KCNG3: variants seen among roughly 807,000 people sequenced by gnomAD.
KCNG3 encodes potassium voltage-gated channel modifier subfamily G member 3.
KCNG3 carries 15 observed loss-of-function variants against 29.0 expected under a neutral mutation model. The ratio of observed to expected loss-of-function variants is 0.52; its 90% confidence interval spans 0.35 to 0.80. KCNG3 has a LOEUF of 0.80. Ranked by LOEUF, KCNG3 falls within the 30% of genes least tolerant of loss-of-function variation. The pLI is 0.01. For missense variants in KCNG3, 512 were observed against 605.7 expected (o/e 0.85, Z 1.62); for synonymous variants, 322 against 248.9 (o/e 1.29, Z -2.76).
At chr2:42,476,016 A>G (rs1381577431) in intron 1 of KCNG3, among the ~76,000 whole-genome samples, 1 of 152,242 alleles carries the variant, frequency 6.6e-6, no homozygotes, top group Non-Finnish European at 1.5e-5. Flanking sequence ...CAGTGAGCCA[A>G]GATCGTGCCA....
At chr2:42,432,938 A>ATT in the KCNG3 span, among the ~76,000 whole-genome samples, 8 of 100,598 alleles carry the variant, frequency 8.0e-5, no homozygotes, top group African/African-American at 3.8e-4. Flanking sequence ...TTATGATAAA[A>ATT]AAAAAAAAAA....
the KCNG3 span, among the ~76,000 whole-genome samples, chr2:42,424,656 G>A: frequency 6.6e-6 from 1 of 152,106 alleles, no homozygotes; most frequent in Non-Finnish European, 1.5e-5. Context: ...CAAACCCTGT[G>A]GCTTAGAAAC....
chr2:42,456,144 T>G (rs989799156), intron 1 of KCNG3, among the ~76,000 whole-genome samples: 1 of 152,270 alleles, frequency 6.6e-6, no homozygotes, highest in South Asian at 2.1e-4. Context: ...AAATGAAATT[T>G]ATTTATAACT....
At chr2:42,479,310 G>C (rs557229272) in intron 1 of KCNG3, among the ~76,000 whole-genome samples, 2 of 152,096 alleles carry the variant, frequency 1.3e-5, no homozygotes, top group African/African-American at 2.4e-5. Flanking sequence ...GTGAATCCTG[G>C]TATTTTCCAA....
At chr2:42,470,385 T>C (rs6750418) in intron 1 of KCNG3, 2,663 of 214,318 alleles carry the variant, frequency 0.012, 71 homozygotes, top group African/African-American at 0.06. Flanking sequence ...CAGAAAGATA[T>C]TTGCAGTCAG....
intron 1 of KCNG3, among the ~76,000 whole-genome samples, chr2:42,483,754 T>C (rs1024740246): frequency 1.3e-5 from 2 of 152,156 alleles, no homozygotes; most frequent in African/African-American, 4.8e-5. Flanking sequence ...ATTTAAAGAA[T>C]GGGGGAGATT....
intron 1 of KCNG3, among the ~76,000 whole-genome samples, chr2:42,489,882 C>T (rs750585887): frequency 2.4e-4 from 36 of 152,310 alleles, no homozygotes; most frequent in Non-Finnish European, 3.1e-4. Context: ...GTCATTTCTC[C>T]TCCATTTCTC....
chr2:42,482,069 C>T (rs1673600174), intron 1 of KCNG3, among the ~76,000 whole-genome samples: 1 of 152,160 alleles, frequency 6.6e-6, no homozygotes, highest in Non-Finnish European at 1.5e-5. Context: ...AACAAACTGC[C>T]TGCCTCAGCC....
the KCNG3 span, among the ~76,000 whole-genome samples, chr2:42,397,147 A>G: frequency 2.6e-5 from 4 of 152,132 alleles, no homozygotes; most frequent in South Asian, 8.3e-4. Flanking sequence ...CAGGAGGCTG[A>G]GGCAGGAAAA....
intron 1 of KCNG3, among the ~76,000 whole-genome samples, chr2:42,474,696 G>C (rs1188740741): frequency 6.6e-6 from 1 of 151,766 alleles, no homozygotes; most frequent in African/African-American, 2.4e-5. Context: ...ATTTTGCCCT[G>C]ATATATTTTT....
chr2:42,444,568 G>A lies in KCNG3; in HGVS notation c.677C>T (p.Ala226Val). 6.2e-7 allele frequency: 1 copy of A among 1,605,746 alleles called. No individual in the cohort carries two copies. The highest frequency in any genetic ancestry group is 8.5e-7 in the Non-Finnish European group (1 of 1,175,744). The change falls in exon 2 of 2, where the codon GCT (alanine) becomes GTT (valine). Residue 226 changes from alanine to valine, a missense_variant. Coordinates refer to ENST00000306078, the MANE Select transcript of KCNG3 (RefSeq NM_133329.6). This position sits in a 1 kb window ranked among gnomAD's most constrained non-coding sequence, Gnocchi z 5.8. Reference sequence around the variant, plus strand: ...GGCAGTGAACCAACCTATGCAGATAGCTTCAATTATCCTGTCAAGAGAACA... The same window carrying A: ...GGCAGTGAACCAACCTATGCAGATAACTTCAATTATCCTGTCAAGAGAACA... ...PGREPSGIIE[A>V]ICIGWFTAEC...
At chr2:42,476,058 T>G (rs1048553011) in intron 1 of KCNG3, among the ~76,000 whole-genome samples, 3 of 152,036 alleles carry the variant, frequency 2.0e-5, no homozygotes, top group African/African-American at 7.2e-5. Flanking sequence ...AAGAGTGAAC[T>G]CCGTCTCATA....
chr2:42,439,904 A>G (rs542523642), downstream of KCNG3, among the ~76,000 whole-genome samples: 1 of 152,258 alleles, frequency 6.6e-6, no homozygotes, highest in Admixed American at 6.5e-5. Context: ...CGGCCTCCCA[A>G]AGTGCTCGGA....
At chr2:42,489,189 G>C (rs1054875227) in intron 1 of KCNG3, among the ~76,000 whole-genome samples, 8 of 151,604 alleles carry the variant, frequency 5.3e-5, no homozygotes, top group Non-Finnish European at 1.2e-4. Flanking sequence ...TTACAGGCGT[G>C]AGCCACCACG....
chr2:42,440,765 T>C (rs930064319), downstream of KCNG3, among the ~76,000 whole-genome samples: 1 of 152,158 alleles, frequency 6.6e-6, no homozygotes, highest in Non-Finnish European at 1.5e-5. Flanking sequence ...AATACAGTAA[T>C]GAAAGCCTTG....
At chr2:42,441,374 C>T (rs1274531836), downstream of KCNG3, among the ~76,000 whole-genome samples, 1 of 151,842 alleles carries the variant, frequency 6.6e-6, no homozygotes, top group African/African-American at 2.4e-5. Context: ...GGCAACCAAG[C>T]AAAACTCTAT....
At chr2:42,479,149 C>T (rs749808066) in intron 1 of KCNG3, among the ~76,000 whole-genome samples, 2 of 152,054 alleles carry the variant, frequency 1.3e-5, no homozygotes, top group Non-Finnish European at 2.9e-5. Flanking sequence ...TCCTGAATCC[C>T]AGTTTTGATC....
At chr2:42,463,256 A>C in intron 1 of KCNG3, 1 of 310,958 alleles carries the variant, frequency 3.2e-6, no homozygotes, top group South Asian at 3.6e-5. Flanking sequence ...TGTACCCTAA[A>C]CCTATCAGGC....
At chr2:42,448,805 G>A (rs905571960) in intron 1 of KCNG3, among the ~76,000 whole-genome samples, 9 of 151,978 alleles carry the variant, frequency 5.9e-5, no homozygotes, top group South Asian at 2.1e-4. Flanking sequence ...GTGAAACCCC[G>A]TTCTCTACTA....
Sources: allele counts gnomAD v4.1 joint callset (sites outside exome capture counted in the v4.1 genomes callset), GRCh38; gene constraint gnomAD v4.1.1; non-coding constraint Gnocchi (gnomAD v3.1); transcripts MANE v1.5; gene names NCBI Gene and HGNC (gene_info 2026-07-23, HGNC 2026-07-21).